DLGAP5: variants seen among roughly 807,000 people sequenced by gnomAD.
DLGAP5 encodes DLG associated protein 5.
Under a neutral mutation model 99.6 loss-of-function variants are expected in DLGAP5, and 90 were observed. The ratio of observed to expected loss-of-function variants is 0.90; its 90% CI spans 0.76 to 1.08. The LOEUF (loss-of-function observed/expected upper bound fraction) is 1.08. Ranked by LOEUF, DLGAP5 falls within the 50% of genes least tolerant of loss-of-function variation. The probability of loss-of-function intolerance (pLI) is 0.00; values close to 1 mark genes in which losing one functional copy is unlikely to be tolerated. For missense variants in DLGAP5, 1,036 were observed against 983.5 expected, an observed-to-expected ratio of 1.05 and a Z score of -0.71; for synonymous variants, 311 against 321.3, an observed-to-expected ratio of 0.97 and a Z score of 0.34.
chr14:55,150,113 G>A (rs1881965835), intron 18 of DLGAP5, among the ~76,000 whole-genome samples: 1 of 151,714 alleles, frequency 6.6e-6, no homozygotes, highest in Non-Finnish European at 1.5e-5. Flanking sequence ...ATAAACAGCA[G>A]GAAAGAGAGC....
intron 7 of DLGAP5, among the ~76,000 whole-genome samples, 173 bp downstream of exon 7, chr14:55,179,456 T>C (rs544832890): frequency 2.1e-4 from 32 of 152,328 alleles, no homozygotes; most frequent in African/African-American, 7.2e-4. Context: ...GAAAATAAGA[T>C]ACCTGAAAAA....
At chr14:55,155,829 C>T (rs1000024557) in intron 14 of DLGAP5, among the ~76,000 whole-genome samples, 1 of 151,964 alleles carries the variant, frequency 6.6e-6, no homozygotes, top group African/African-American at 2.4e-5. Flanking sequence ...TGGCTCATGC[C>T]TGTGATCCCA....
At position 55,166,446 on chromosome 14, in the gene DLGAP5, C is replaced by G. The variant is rs193184479; in HGVS notation, c.1548+2953G>C. On this transcript the variant is annotated intron_variant, in intron 12 of 18. Coordinates refer to ENST00000247191, the MANE Select transcript of DLGAP5 (RefSeq NM_014750.5). ...ATCTTTTTATACTGATGAAAATGTT[C>G]TGGCTGGGTGTACTGGCTCACACCT... is the stretch of plus-strand genomic sequence containing the variant. Among the ~76,000 whole-genome samples, 496 of 152,240 alleles carry G rather than the reference C, an allele frequency of 3.3e-3. 4 individuals carry two copies. The highest frequency in any genetic ancestry group is 0.012 in the African/African-American group (481 of 41,548).
intron 6 of DLGAP5, 37 bp from the exon 7 acceptor site, chr14:55,179,736 A>T: frequency 6.5e-7 from 1 of 1,530,886 alleles, no homozygotes; most frequent in Non-Finnish European, 9.0e-7. Flanking sequence ...TACTAGATAG[A>T]AATGCTACAT....
At chr14:55,155,012 T>C (rs1002776243) in intron 14 of DLGAP5, among the ~76,000 whole-genome samples, 8 of 152,060 alleles carry the variant, frequency 5.3e-5, no homozygotes, top group African/African-American at 1.7e-4. Context: ...TACTTTTACA[T>C]GAACAGAGAT....
At chr14:55,182,133 A>C (rs528792236) in intron 4 of DLGAP5, among the ~76,000 whole-genome samples, 1 of 152,352 alleles carries the variant, frequency 6.6e-6, no homozygotes, top group African/African-American at 2.4e-5. Context: ...GAGCCCACTA[A>C]ACAAAACAAG....
intron 4 of DLGAP5, 22 bp downstream of exon 4, chr14:55,182,348 A>C (rs1282200899): frequency 1.3e-6 from 2 of 1,592,932 alleles, no homozygotes; most frequent in Non-Finnish European, 1.7e-6. Context: ...TTTTAGTAAC[A>C]ATTATCTACT....
At chr14:55,169,020 CA>C (rs1417896059) in intron 12 of DLGAP5, among the ~76,000 whole-genome samples, 1 of 151,238 alleles carries the variant, frequency 6.6e-6, no homozygotes, top group Non-Finnish European at 1.5e-5. Flanking sequence ...ACTAAAAATA[CA>C]AAAAATTAGC....
intron 3 of DLGAP5, 34 bp from the exon 4 acceptor site, chr14:55,182,466 A>G: frequency 1.3e-6 from 2 of 1,557,602 alleles, no homozygotes; most frequent in Non-Finnish European, 1.7e-6. Flanking sequence ...AACTTAAAAT[A>G]TGAACTGGTA....
chr14:55,165,072 AATAC>A (rs1882591535), intron 12 of DLGAP5, among the ~76,000 whole-genome samples: 1 of 152,222 alleles, frequency 6.6e-6, no homozygotes, highest in Admixed American at 6.5e-5. Context: ...TTTTATCCAG[AATAC>A]ATAAAGAATA....
At chr14:55,180,265 TA>T (rs1429667462) in intron 6 of DLGAP5, among the ~76,000 whole-genome samples, 1 of 152,212 alleles carries the variant, frequency 6.6e-6, no homozygotes, top group Non-Finnish European at 1.5e-5. Flanking sequence ...CATATTCCCA[TA>T]ATGCTTTTTA....
intron 4 of DLGAP5, 29 bp downstream of exon 4, chr14:55,182,341 T>C: frequency 6.4e-7 from 1 of 1,573,908 alleles, no homozygotes; most frequent in Non-Finnish European, 8.6e-7. Flanking sequence ...TTTATCATTT[T>C]AGTAACAATT....
At chr14:55,172,564 C>T (rs959070636) in intron 10 of DLGAP5, among the ~76,000 whole-genome samples, 3 of 151,892 alleles carry the variant, frequency 2.0e-5, no homozygotes, top group Admixed American at 6.6e-5. Flanking sequence ...GTCAAGGCTG[C>T]AGTGAGCCAA....
intron 17 of DLGAP5, 46 bp from the exon 18 acceptor site, chr14:55,150,894 C>A (rs57750925): frequency 7.6e-7 from 1 of 1,311,020 alleles, no homozygotes; most frequent in Non-Finnish European, 1.1e-6. Flanking sequence ...TTCTCACATT[C>A]GAGGGCTGTT....
chr14:55,157,616 T>C (rs778092412), intron 14 of DLGAP5, among the ~76,000 whole-genome samples: 11 of 152,080 alleles, frequency 7.2e-5, no homozygotes, highest in Non-Finnish European at 1.5e-4. Flanking sequence ...TGTGAGAAAA[T>C]CACAAAAAAA....
chr14:55,169,857 G>A (rs1032273065), intron 11 of DLGAP5, among the ~76,000 whole-genome samples: 4 of 135,036 alleles, frequency 3.0e-5, no homozygotes, highest in East Asian at 3.9e-4. Flanking sequence ...TCATGCCTGC[G>A]GGCGCGGTGG....
chr14:55,173,678 C>T (rs1054605451), intron 10 of DLGAP5, among the ~76,000 whole-genome samples: 2 of 151,946 alleles, frequency 1.3e-5, no homozygotes, highest in Non-Finnish European at 1.5e-5. Flanking sequence ...GGCAGAAGAA[C>T]GTGGATTATG....
intron 10 of DLGAP5, among the ~76,000 whole-genome samples, chr14:55,173,032 T>C (rs960152431): frequency 1.3e-5 from 2 of 150,300 alleles, no homozygotes; most frequent in African/African-American, 2.4e-5. Context: ...GGTTTAGTTC[T>C]GACATTATCT....
chr14:55,156,762 A>G (rs747030091), intron 14 of DLGAP5, among the ~76,000 whole-genome samples: 2 of 152,220 alleles, frequency 1.3e-5, no homozygotes, highest in Non-Finnish European at 2.9e-5. Context: ...TCTATAGTGG[A>G]TGAAGAAAAC....
Sources: allele counts gnomAD v4.1 joint callset (sites outside exome capture counted in the v4.1 genomes callset), GRCh38; gene constraint gnomAD v4.1.1; transcripts MANE v1.5; gene names NCBI Gene and HGNC (gene_info 2026-07-23, HGNC 2026-07-21).